The following FTO variants were observed in gnomAD, a reference collection of about 807,000 sequenced individuals.
The protein encoded by FTO is FTO alpha-ketoglutarate dependent dioxygenase.
A neutral mutation model predicts 63.9 loss-of-function variants in FTO; 47 were observed. The observed-to-expected ratio is 0.74, with a 90% CI of 0.58 to 0.94. FTO has a LOEUF of 0.94. FTO is among the 40% of genes least tolerant of loss of function. The pLI, the probability that FTO is intolerant of heterozygous loss-of-function variation, is 0.00. For missense variants in FTO, 562 were observed against 618.1 expected, an observed-to-expected ratio of 0.91 and a Z score of 0.96; for synonymous variants, 207 against 224.4, an observed-to-expected ratio of 0.92 and a Z score of 0.69.
intron 8 of FTO, among the ~76,000 whole-genome samples, chr16:53,940,870 T>C (rs2082512562): frequency 7.5e-6 from 1 of 133,772 alleles, no homozygotes; most frequent in Admixed American, 8.1e-5. Context: ...TAGTCATCTT[T>C]CTATTCTCTG....
chr16:53,815,822 T>C (rs1232321869), intron 2 of FTO, among the ~76,000 whole-genome samples: 2 of 151,488 alleles, frequency 1.3e-5, no homozygotes, highest in African/African-American at 4.9e-5. Context: ...CCAATTTTTG[T>C]ATTTTTAGTA....
intron 4 of FTO, among the ~76,000 whole-genome samples, chr16:53,873,034 G>A (rs1567383767): frequency 6.6e-6 from 1 of 152,060 alleles, no homozygotes; most frequent in Non-Finnish European, 1.5e-5. Flanking sequence ...CTTGGGTTGT[G>A]AATCCCTACA....
At chr16:54,089,773 A>G (rs943388150) in intron 8 of FTO, among the ~76,000 whole-genome samples, 12 of 152,210 alleles carry the variant, frequency 7.9e-5, no homozygotes, top group Admixed American at 2.6e-4. Flanking sequence ...AAATAAATAC[A>G]TGAAAAGATC....
chr16:53,913,606 C>T (rs774361059), intron 7 of FTO, among the ~76,000 whole-genome samples: 3 of 152,270 alleles, frequency 2.0e-5, no homozygotes, highest in East Asian at 1.9e-4. Flanking sequence ...TGTTTCACCT[C>T]GCTATGACTT....
intron 8 of FTO, among the ~76,000 whole-genome samples, chr16:54,084,195 T>C (rs1396640359): frequency 6.6e-6 from 1 of 152,248 alleles, no homozygotes; most frequent in Non-Finnish European, 1.5e-5. Context: ...GAACGTGTTA[T>C]TTAACCCTTC....
At chr16:54,103,148 C>G (rs1567573313) in intron 8 of FTO, among the ~76,000 whole-genome samples, 1 of 151,134 alleles carries the variant, frequency 6.6e-6, no homozygotes, top group East Asian at 1.9e-4. Flanking sequence ...GACCCTGTGT[C>G]GAAAAAAGAA....
chr16:53,901,080 G>T (rs975972893), intron 7 of FTO, among the ~76,000 whole-genome samples: 7 of 152,158 alleles, frequency 4.6e-5, no homozygotes, highest in African/African-American at 1.7e-4. Context: ...ACTTGCAAAG[G>T]TTTTACTTTG....
rs202227853 is a variant in FTO at position 53,875,850 on chromosome 16, G to A, written c.975+1985G>A. 6.6e-5 allele frequency among the ~76,000 whole-genome samples: 10 copies of A among 152,278 alleles called. No individual in the cohort carries two copies. In the East Asian group the frequency reaches 1.2e-3, roughly 18 times the overall value. ...CAGAATAGAATGTAGCAGATAGCCC[G>A]GCTAAATTTTGTATTTTTAATGGAG... On this transcript the variant is annotated intron_variant, in intron 5 of 8. Transcript: ENST00000471389.
chr16:54,115,361 A>G lies in FTO; in HGVS notation c.*3446A>G, dbSNP rs549688235. The G allele has an allele frequency of 2.0e-5, 3 of 152,406 alleles. No homozygotes were observed. The highest frequency in any genetic ancestry group is 4.4e-5 in the Non-Finnish European group (3 of 68,102). The allele number at this position is 152,406 out of a possible 1,614,324, so 9.4% of individuals were successfully genotyped here. On this transcript the variant is annotated 3_prime_UTR_variant, in exon 9 of 9. Transcript: ENST00000471389. ...AAGACAGATCTCTGCCTCCCAGGCT[A>G]GTGGATGCCCTGGGATATGTAGTCA...
chr16:53,836,612 TCTTTTG>T (rs201752184), intron 3 of FTO, among the ~76,000 whole-genome samples: 1,755 of 152,350 alleles, frequency 0.012, 17 homozygotes, highest in South Asian at 0.027. Context: ...GTAATAGGAT[TCTTTTG>T]ATAGCAAATA....
At chr16:53,895,178 G>A (rs1382488294) in intron 7 of FTO, among the ~76,000 whole-genome samples, 2 of 151,860 alleles carry the variant, frequency 1.3e-5, no homozygotes, top group Non-Finnish European at 2.9e-5. Flanking sequence ...AATTTTACAT[G>A]TAATTTAGCA....
chr16:54,057,753 G>C (rs750534469), intron 8 of FTO, among the ~76,000 whole-genome samples: 2 of 152,040 alleles, frequency 1.3e-5, no homozygotes, highest in African/African-American at 4.8e-5. Flanking sequence ...ATGCTCGCCC[G>C]ATATATAAAT....
intron 8 of FTO, chr16:54,070,817 T>C (rs1164551001): frequency 6.6e-6 from 1 of 152,256 alleles, no homozygotes; most frequent in Non-Finnish European, 1.5e-5. Flanking sequence ...CCTTTCATTG[T>C]AGTTTAATTG....
Position 53,788,895 on chromosome 16 carries a change from T to C in FTO, c.46-21245T>C, listed in dbSNP as rs146299975. On this transcript the variant is annotated intron_variant, in intron 1 of 8. Coordinates refer to ENST00000471389, the MANE Select transcript of FTO (RefSeq NM_001080432.3). ...CAGGTGTTTGAATAAATTAACCAAG[T>C]GCCAAATTTCATTTTGGAAATGAAA... 1.2e-4 allele frequency among the ~76,000 whole-genome samples: 19 copies of C among 152,302 alleles called. 1 individual carries two copies. The highest frequency in any genetic ancestry group is 4.3e-4 in the African/African-American group (18 of 41,572).
intron 1 of FTO, among the ~76,000 whole-genome samples, chr16:53,736,025 G>A (rs868329257): frequency 6.6e-6 from 1 of 151,984 alleles, no homozygotes; most frequent in African/African-American, 2.4e-5. Flanking sequence ...AAGCTCTTAT[G>A]GCACTAATAA....
chr16:53,908,742 G>A (rs2081603438), intron 7 of FTO, among the ~76,000 whole-genome samples: 1 of 152,164 alleles, frequency 6.6e-6, no homozygotes, highest in Non-Finnish European at 1.5e-5. Context: ...GTCACAATCC[G>A]GCCTGAAGGG....
chr16:53,747,232 T>TA (rs2076671425), intron 1 of FTO, among the ~76,000 whole-genome samples: 1 of 152,202 alleles, frequency 6.6e-6, no homozygotes, highest in Non-Finnish European at 1.5e-5. Context: ...GAAGTGAAAT[T>TA]GCTGGATCAT....
At chr16:53,860,732 TC>T (rs775438996) in intron 4 of FTO, among the ~76,000 whole-genome samples, 1 of 151,870 alleles carries the variant, frequency 6.6e-6, no homozygotes, top group Non-Finnish European at 1.5e-5. Context: ...TCCAATCACC[TC>T]CCACCAGAAC....
At chr16:53,883,623 A>AAAG (rs2080908272) in intron 6 of FTO, among the ~76,000 whole-genome samples, 1 of 62,816 alleles carries the variant, frequency 1.6e-5, no homozygotes, top group Admixed American at 2.0e-4. Flanking sequence ...ACTCTATCTC[A>AAAG]AAAAAAAAAA....
Sources: gnomAD v4.1 joint callset for allele counts (sites outside exome capture counted in the v4.1 genomes callset) on GRCh38, gnomAD v4.1.1 for gene constraint, MANE v1.5 for transcripts, NCBI Gene and HGNC (gene_info 2026-07-23, HGNC 2026-07-21) for gene names.